The following USP15 variants were observed in gnomAD, a reference collection of about 807,000 sequenced individuals.
USP15 encodes ubiquitin specific peptidase 15.
USP15 carries 18 observed loss-of-function variants against 127.1 expected under a neutral mutation model. That is an observed-to-expected ratio of 0.14 (90% CI 0.10 to 0.21). USP15 has a LOEUF of 0.21. Ranked by LOEUF, USP15 falls within the 10% of genes least tolerant of loss-of-function variation. USP15 has a pLI of 1.00. For synonymous variants in USP15, 364 were observed against 393.7 expected, an observed-to-expected ratio of 0.92 and a Z score of 0.89; for missense variants, 805 against 1,159.9, an observed-to-expected ratio of 0.69 and a Z score of 4.44.
In USP15 at chr12:62,414,180, G is replaced by A. The variant is rs180907762; in HGVS notation, c.*9805G>A. The A allele has an allele frequency of 6.6e-6, 1 of 152,266 alleles. No individual in the cohort carries two copies. The highest frequency in any genetic ancestry group is 1.5e-5 in the Non-Finnish European group (1 of 68,028). 9.4% of individuals were successfully genotyped at this position (152,266 alleles called of 1,614,324 possible). A position where few individuals can be genotyped will look rare whatever the true frequency, so the allele number is the denominator to read the frequency against. ...ACATTTGAAATGTGAGAAGTACCAA[G>A]ATATGACACACACACAGTAAGCACA... On this transcript the variant is annotated 3_prime_UTR_variant, in exon 22 of 22. Coordinates refer to ENST00000280377, the MANE Select transcript of USP15 (RefSeq NM_001252078.2).
At chr12:62,371,712 A>T (rs2137528225) in intron 8 of USP15, among the ~76,000 whole-genome samples, 1 of 152,326 alleles carries the variant, frequency 6.6e-6, no homozygotes, top group East Asian at 1.9e-4. Flanking sequence ...CCCACAATAA[A>T]GCTTCTACCT....
intron 1 of USP15, among the ~76,000 whole-genome samples, chr12:62,271,993 GT>G (rs2063354829): frequency 6.6e-6 from 1 of 151,478 alleles, no homozygotes; most frequent in Non-Finnish European, 1.5e-5. Context: ...GAATTTCATA[GT>G]TTTATTTGTT....
intron 8 of USP15, among the ~76,000 whole-genome samples, chr12:62,357,547 G>A (rs1218379286): frequency 6.6e-6 from 1 of 151,934 alleles, no homozygotes; most frequent in Non-Finnish European, 1.5e-5. Context: ...ATAATTTTAT[G>A]GTAATAGCCA....
intron 4 of USP15, among the ~76,000 whole-genome samples, chr12:62,316,966 T>A (rs1565848143): frequency 1.3e-5 from 2 of 152,136 alleles, no homozygotes; most frequent in African/African-American, 4.8e-5. Flanking sequence ...TGAACCCAAT[T>A]TTTGCATAGC....
rs1249076092 is a variant in USP15 at position 62,406,543 on chromosome 12, G to A, written c.*2168G>A. The A allele has an allele frequency of 1.3e-5, 2 of 152,144 alleles. No homozygotes were observed. The highest frequency in any genetic ancestry group is 2.9e-5 in the Non-Finnish European group (2 of 68,024). The allele number at this position is 152,144 out of a possible 1,614,324, so 9.4% of individuals were successfully genotyped here. Reference sequence around the variant, plus strand: ...TTTTTAATGCCTGTCATTAACTTCTGTTCCCACTAAAAGAAGTGATGTTAA... The same window carrying A: ...TTTTTAATGCCTGTCATTAACTTCTATTCCCACTAAAAGAAGTGATGTTAA... On this transcript the variant is annotated 3_prime_UTR_variant, in exon 22 of 22. Transcript: ENST00000280377.
At chr12:62,340,483 G>T (rs556885216) in intron 6 of USP15, among the ~76,000 whole-genome samples, 1 of 152,120 alleles carries the variant, frequency 6.6e-6, no homozygotes, top group East Asian at 1.9e-4. Context: ...TGATATTAGG[G>T]TTTCAATTTC....
intron 7 of USP15, among the ~76,000 whole-genome samples, chr12:62,352,677 G>C (rs1251950415): frequency 6.6e-6 from 1 of 151,918 alleles, no homozygotes; most frequent in East Asian, 1.9e-4. Flanking sequence ...TCTGGCTCTT[G>C]ATAAATTTGT....
intron 3 of USP15, chr12:62,304,830 TAAAA>T (rs34411608): frequency 1.3e-4 from 22 of 174,322 alleles, no homozygotes; most frequent in Middle Eastern, 1.5e-3. Flanking sequence ...TTATTATGCT[TAAAA>T]AAAAAAAAAA....
At chr12:62,359,306 T>G (rs1471949327) in intron 8 of USP15, among the ~76,000 whole-genome samples, 1 of 151,864 alleles carries the variant, frequency 6.6e-6, no homozygotes, top group Admixed American at 6.6e-5. Flanking sequence ...TTTATGGAGT[T>G]ACACTACTTG....
chr12:62,271,184 A>G (rs903208825), intron 1 of USP15, among the ~76,000 whole-genome samples: 8 of 152,078 alleles, frequency 5.3e-5, no homozygotes, highest in African/African-American at 1.9e-4. Flanking sequence ...GGCTAAACTC[A>G]CATTAATCCT....
chr12:62,350,942 T>G (rs2065950444), intron 7 of USP15, among the ~76,000 whole-genome samples: 1 of 151,978 alleles, frequency 6.6e-6, no homozygotes, highest in Non-Finnish European at 1.5e-5. Flanking sequence ...ATATTTTACA[T>G]TTTCACATTC....
intron 1 of USP15, among the ~76,000 whole-genome samples, chr12:62,278,911 T>C (rs1007753414): frequency 6.6e-6 from 1 of 152,300 alleles, no homozygotes; most frequent in Admixed American, 6.5e-5. Context: ...ATTAGAAATA[T>C]GGTTTCTGCT....
At chr12:62,280,573 A>G (rs1475439470) in intron 1 of USP15, among the ~76,000 whole-genome samples, 1 of 152,156 alleles carries the variant, frequency 6.6e-6, no homozygotes, top group Non-Finnish European at 1.5e-5. Flanking sequence ...AGCCTCTTTT[A>G]TAAAGGCATA....
intron 2 of USP15, among the ~76,000 whole-genome samples, chr12:62,295,012 A>C (rs2064086051): frequency 6.6e-6 from 1 of 152,206 alleles, no homozygotes. Context: ...GATGAAACCC[A>C]TGCAGACCCT....
intron 6 of USP15, among the ~76,000 whole-genome samples, chr12:62,342,677 A>C (rs2065682949): frequency 6.6e-6 from 1 of 152,050 alleles, no homozygotes; most frequent in Non-Finnish European, 1.5e-5. Context: ...GGTCTGCTGC[A>C]GTTTGCTGGA....
intron 8 of USP15, among the ~76,000 whole-genome samples, chr12:62,355,900 C>A (rs2066113995): frequency 7.0e-6 from 1 of 142,018 alleles, no homozygotes; most frequent in Admixed American, 7.4e-5. Context: ...TTTTTGTATA[C>A]ATACTTTAAC....
At chr12:62,262,846 A>G (rs932471041) in intron 1 of USP15, among the ~76,000 whole-genome samples, 2 of 152,206 alleles carry the variant, frequency 1.3e-5, no homozygotes, top group African/African-American at 4.8e-5. Context: ...TATTTTAAAT[A>G]AAAGTAAACT....
At chr12:62,382,636 T>C (rs1301731682) in intron 9 of USP15, among the ~76,000 whole-genome samples, 2 of 151,956 alleles carry the variant, frequency 1.3e-5, no homozygotes, top group Non-Finnish European at 2.9e-5. Flanking sequence ...TGACTTTTTT[T>C]CTGTCAGATG....
rs750075521 is a variant in USP15, at chr12:62,391,447, A to G, written c.2233+18A>G. ...GCTAGATGGTAAGTATTTGTGAAAA[A>G]TGGCTTGAACATTAAACAAGCCGAG... On this transcript the variant is annotated intron_variant, in intron 16 of 21. Transcript: ENST00000280377. The G allele has an allele frequency of 1.9e-6, 3 of 1,588,114 alleles. No homozygotes were observed. The highest frequency in any genetic ancestry group is 2.6e-6 in the Non-Finnish European group (3 of 1,172,808).
Sources: gnomAD v4.1 joint callset for allele counts (sites outside exome capture counted in the v4.1 genomes callset) on GRCh38, gnomAD v4.1.1 for gene constraint, MANE v1.5 for transcripts, NCBI Gene and HGNC (gene_info 2026-07-23, HGNC 2026-07-21) for gene names.